EFCAB10: variants seen among roughly 807,000 people sequenced by gnomAD.
The protein encoded by EFCAB10 is EF-hand calcium binding domain 10.
In EFCAB10, 7 loss-of-function variants were observed where a neutral mutation model predicts 7.7. The observed-to-expected ratio is 0.91, with a 90% confidence interval of 0.52 to 1.72. The LOEUF is 1.72. Among genes scored for constraint, EFCAB10 ranks in the 40% most tolerant of loss-of-function variants. The pLI is 0.00. For synonymous variants in EFCAB10, 52 were observed against 21.0 expected (o/e 2.47, Z -4.03); for missense variants, 112 against 61.5 (o/e 1.82, Z -2.74).
chr7:105,565,903 T>G (rs1464095554), intron 4 of EFCAB10, among the ~76,000 whole-genome samples: 1 of 151,800 alleles, frequency 6.6e-6, no homozygotes. Context: ...GTTTAATGCT[T>G]CTAGTTGCTT....
At chr7:105,568,055 C>T (rs1025353371) in intron 3 of EFCAB10, among the ~76,000 whole-genome samples, 1 of 152,168 alleles carries the variant, frequency 6.6e-6, no homozygotes, top group South Asian at 2.1e-4. Context: ...CTTCATTTCT[C>T]ACAAATGCCC....
In EFCAB10 at chr7:105,570,290, T is replaced by C. The variant is rs1411767040; in HGVS notation, c.107-719A>G. Among the ~76,000 whole-genome samples the C allele has an allele frequency of 2.5e-5, 3 of 118,830 alleles. No individual in the cohort carries two copies. In the East Asian group the frequency reaches 7.8e-4, roughly 31 times the overall value. 78.0% of individuals were successfully genotyped at this position (118,830 alleles called of 152,430 possible). Reference sequence around the variant, plus strand: ...ATATACACACACACACACATACATATACACATACACACACACATATATATA... The same window carrying C: ...ATATACACACACACACACATACATACACACATACACACACACATATATATA... On this transcript the variant is annotated intron_variant, in intron 1 of 4. Coordinates refer to ENST00000480514, the MANE Select transcript of EFCAB10 (RefSeq NM_001355526.2).
chr7:105,571,661 T>TA (rs1246789725), intron 1 of EFCAB10: 2 of 152,144 alleles, frequency 1.3e-5, no homozygotes, highest in Non-Finnish European at 2.9e-5. Context: ...AAGCTTTAGT[T>TA]AAAAAAAGCC....
intron 1 of EFCAB10, among the ~76,000 whole-genome samples, chr7:105,570,753 G>A (rs940160548): frequency 3.3e-5 from 5 of 152,034 alleles, no homozygotes; most frequent in South Asian, 2.1e-4. Context: ...AGCTGGGCAC[G>A]GTGGCTCACG....
At chr7:105,572,112 ATAT>A (rs1448189977) in intron 1 of EFCAB10, 2 of 152,206 alleles carry the variant, frequency 1.3e-5, no homozygotes, top group Non-Finnish European at 2.9e-5. Context: ...AATATAAAAT[ATAT>A]TATTAACTGT....
intron 1 of EFCAB10, among the ~76,000 whole-genome samples, chr7:105,579,643 G>A (rs916029718): frequency 6.6e-6 from 1 of 152,216 alleles, no homozygotes; most frequent in Non-Finnish European, 1.5e-5. Flanking sequence ...GGGAACAGGT[G>A]TATGAGGTGT....
chr7:105,580,263 T>C (rs1397943614), intron 1 of EFCAB10, among the ~76,000 whole-genome samples: 1 of 152,064 alleles, frequency 6.6e-6, no homozygotes, highest in Non-Finnish European at 1.5e-5. Flanking sequence ...GTTGGTATTA[T>C]AGGCGTGAGT....
Position 105,565,340 on chromosome 7 carries a change from G to T in EFCAB10, c.*107C>A, listed in dbSNP as rs147409665. On this transcript the variant is annotated 3_prime_UTR_variant, in exon 5 of 5. Coordinates refer to ENST00000480514, the MANE Select transcript of EFCAB10 (RefSeq NM_001355526.2). ...TGTCCCTGTCCAGTTCGGCTTGCCC[G>T]TTGCTGCTGACGTTACGAGACCATT... 16 of 1,614,086 alleles carry T rather than the reference G, an allele frequency of 9.9e-6. No homozygotes were observed. The highest frequency in any genetic ancestry group is 1.2e-5 in the Non-Finnish European group (14 of 1,180,034).
At chr7:105,573,745 T>C (rs1435979159) in intron 1 of EFCAB10, 5 of 152,210 alleles carry the variant, frequency 3.3e-5, no homozygotes, top group African/African-American at 1.2e-4. Flanking sequence ...GCATTTTCTA[T>C]GGATCATTTC....
In EFCAB10 at chr7:105,565,316, G is replaced by A. The variant is rs757812202; in HGVS notation, c.*131C>T. 2.5e-6 allele frequency: 4 copies of A among 1,614,066 alleles called. No individual in the cohort carries two copies. In the South Asian group the frequency reaches 3.3e-5, roughly 13 times the overall value. On this transcript the variant is annotated 3_prime_UTR_variant, in exon 5 of 5. Transcript: ENST00000480514. ...CATCTCAGTCAGAGCAGGCAGTGATGTCCCTGTCCAGTTCGGCTTGCCCGT... is the reference window on the plus strand; with the variant it reads ...CATCTCAGTCAGAGCAGGCAGTGATATCCCTGTCCAGTTCGGCTTGCCCGT...
chr7:105,571,736 A>T (rs1161073412), intron 1 of EFCAB10: 1 of 152,306 alleles, frequency 6.6e-6, no homozygotes, highest in Non-Finnish European at 1.5e-5. Context: ...CCTCTCATGG[A>T]ACAGGGCAAT....
At chr7:105,565,852 T>G (rs1791705523) in intron 4 of EFCAB10, among the ~76,000 whole-genome samples, 1 of 152,218 alleles carries the variant, frequency 6.6e-6, no homozygotes, top group South Asian at 2.1e-4. Flanking sequence ...GTTTCAGAAC[T>G]AGATATAAAT....
At chr7:105,570,420 A>G (rs150986237) in intron 1 of EFCAB10, among the ~76,000 whole-genome samples, 211 of 151,432 alleles carry the variant, frequency 1.4e-3, no homozygotes, top group African/African-American at 5.0e-3. Context: ...AAGCAATTTT[A>G]AAAATAAAAA....
chr7:105,569,579 A>G lies in EFCAB10; in HGVS notation c.107-8T>C. 1 of 690,020 alleles carries G rather than the reference A, an allele frequency of 1.4e-6. No homozygotes were observed. The highest frequency in any genetic ancestry group is 2.6e-6 in the Non-Finnish European group (1 of 381,584). 42.7% of individuals were successfully genotyped at this position (690,020 alleles called of 1,614,324 possible). On this transcript the variant is annotated splice_region_variant and splice_polypyrimidine_tract_variant and intron_variant, in intron 1 of 4. Transcript: ENST00000480514. ...AATATTCTTTTGGTTTTTCTGCAAA[A>G]GAATAGTTCCAGCTCTTTCTGATAC...
intron 1 of EFCAB10, chr7:105,572,971 GTCTA>G (rs765526597): frequency 1.3e-4 from 19 of 150,454 alleles, no homozygotes; most frequent in African/African-American, 3.4e-4. Flanking sequence ...ATGGAAAAAT[GTCTA>G]TCTATGTCCT....
At position 105,569,219 on chromosome 7, in the gene EFCAB10, T is replaced by C. The variant is rs1791873460; in HGVS notation, c.343A>G (p.Lys115Glu). 1 of 701,336 alleles carries C rather than the reference T, an allele frequency of 1.4e-6. No individual in the cohort carries two copies. Among genetic ancestry groups the C allele is most frequent in the South Asian group, 1.5e-5 (1 of 67,394 alleles). The allele number at this position is 701,336 out of a possible 1,614,324, so 43.4% of individuals were successfully genotyped here. ...TAAACTTACACTTCCTCCTTGAATT[T>C]ATCCAAAGTTATTTTATGTCCATCA... is the stretch of plus-strand genomic sequence containing the variant. ...QDDGHKITLD[K>E]FKEEVNKRMK... The change falls in exon 3 of 5, where the codon AAA becomes GAA. Residue 115 changes from lysine to glutamate, a missense_variant. Lys to Glu is a moderately conservative substitution (Grantham distance 56, BLOSUM62 1). Coordinates refer to ENST00000480514, the MANE Select transcript of EFCAB10 (RefSeq NM_001355526.2).
rs1262406363 is a variant in EFCAB10 at position 105,569,457 on chromosome 7, A to T, written c.221T>A (p.Met74Lys). 1 of 703,194 alleles carries T rather than the reference A, an allele frequency of 1.4e-6. No homozygotes were observed. 43.6% of individuals were successfully genotyped at this position (703,194 alleles called of 1,614,324 possible). ...GGTGCCTCTGCCTGAGGAGTCCATC[A>T]TCTCAAACATAGCCACAATGTTAGA... ...DNSNIVAMFE[M>K]MDSSGRGTIS... Residue 74 changes from methionine (M) to lysine (K), a missense_variant, in exon 2 of 5, where the codon ATG becomes AAG. Physicochemically the swap from Met to Lys is moderately conservative, Grantham distance 95. Coordinates refer to ENST00000480514, the MANE Select transcript of EFCAB10 (RefSeq NM_001355526.2).
chr7:105,572,546 G>A (rs371072264), intron 1 of EFCAB10: 2 of 152,316 alleles, frequency 1.3e-5, no homozygotes, highest in East Asian at 3.9e-4. Flanking sequence ...TATATACCCA[G>A]TGGTGGGAAT....
intron 1 of EFCAB10, chr7:105,572,906 G>C (rs147110224): frequency 6.6e-6 from 1 of 151,424 alleles, no homozygotes; most frequent in African/African-American, 2.4e-5. Flanking sequence ...GCATTCACCC[G>C]ATTAGTGATA....
Sources: gnomAD v4.1 joint callset for allele counts (sites outside exome capture counted in the v4.1 genomes callset) on GRCh38, gnomAD v4.1.1 for gene constraint, MANE v1.5 for transcripts, NCBI Gene and HGNC (gene_info 2026-07-23, HGNC 2026-07-21) for gene names.